The following PAX5 variants were observed in gnomAD, a reference collection of about 807,000 sequenced individuals.
PAX5 encodes paired box 5.
A neutral mutation model predicts 43.7 loss-of-function variants in PAX5; 9 were observed. The ratio of observed to expected loss-of-function variants is 0.21; its 90% CI spans 0.12 to 0.36. The LOEUF (loss-of-function observed/expected upper bound fraction) is 0.36, where lower values mean the gene tolerates loss of function less well. Among genes scored for constraint, PAX5 ranks in the 10% least tolerant of loss-of-function variants. PAX5 has a pLI of 1.00. For synonymous variants in PAX5, 228 were observed against 214.3 expected (o/e 1.06, Z -0.56); for missense variants, 383 against 532.7 (o/e 0.72, Z 2.77).
intron 5 of PAX5, among the ~76,000 whole-genome samples, chr9:36,999,779 C>T (rs1173135896): frequency 6.6e-6 from 1 of 152,202 alleles, no homozygotes; most frequent in Non-Finnish European, 1.5e-5. Flanking sequence ...TGAAATATCC[C>T]TGTTTCCCCA....
chr9:36,903,094 G>A (rs912233730), intron 7 of PAX5, among the ~76,000 whole-genome samples: 8 of 152,206 alleles, frequency 5.3e-5, no homozygotes, highest in Non-Finnish European at 4.4e-5. Context: ...AAGAAAGCAG[G>A]AACTCCATGG....
At position 37,020,766 on chromosome 9, in the gene PAX5, C is replaced by T; in HGVS notation, c.82G>A (p.Val28Met). 2 of 1,613,982 alleles carry T rather than the reference C, an allele frequency of 1.2e-6. No homozygotes were observed. Among genetic ancestry groups the T allele is most frequent in the Non-Finnish European group, 1.7e-6 (2 of 1,180,022 alleles). Reference sequence around the variant, plus strand: ...ACATCCGGGAGTGGCCGTCCATTCACAAAAACCCCCCCAAGCTGATTCACT... The same window carrying T: ...ACATCCGGGAGTGGCCGTCCATTCATAAAAACCCCCCCAAGCTGATTCACT... ...GGVNQLGGVF[V>M]NGRPLPDVVR... Residue 28 changes from valine (V) to methionine (M), a missense_variant, in exon 2 of 10, where the codon GTG (valine) becomes ATG (methionine). Val to Met is a conservative substitution (Grantham distance 21). Around this residue, in one of 5 missense-constraint regions of PAX5, gnomAD observed 54 missense variants for 68.6 expected, o/e 0.79. Transcript: ENST00000358127.
chr9:36,944,082 G>T (rs987061568), intron 6 of PAX5, among the ~76,000 whole-genome samples: 4 of 152,154 alleles, frequency 2.6e-5, no homozygotes, highest in African/African-American at 9.7e-5. Context: ...TGCTCAGAAG[G>T]CTGACGCAGG....
At chr9:36,910,944 A>G (rs761112644) in intron 7 of PAX5, among the ~76,000 whole-genome samples, 19 of 152,168 alleles carry the variant, frequency 1.2e-4, no homozygotes, top group Non-Finnish European at 2.4e-4. Context: ...TCATTCATTC[A>G]TTCGTTCATT....
chr9:36,980,329 C>A (rs1835804804), intron 5 of PAX5, among the ~76,000 whole-genome samples: 1 of 152,222 alleles, frequency 6.6e-6, no homozygotes, highest in Admixed American at 6.5e-5. Flanking sequence ...TAATGGACTT[C>A]CCTCTGCCTG....
At position 36,958,163 on chromosome 9, in the gene PAX5, C is replaced by T. The variant is rs1588081148; in HGVS notation, c.780+8386G>A. On this transcript the variant is annotated intron_variant, in intron 6 of 9. Transcript: ENST00000358127. ...AATGCACTGATTAGCATGTGGGCGT[C>T]ATACTCATCCATAAGACAAGCTCTA... 4.6e-5 allele frequency among the ~76,000 whole-genome samples: 7 copies of T among 152,292 alleles called. No individual in the cohort carries two copies. The South Asian group carries it at 1.5e-3, about 32-fold the overall frequency.
intron 1 of PAX5, among the ~76,000 whole-genome samples, chr9:37,022,154 G>A (rs1381930945): frequency 6.6e-6 from 1 of 152,096 alleles, no homozygotes; most frequent in Non-Finnish European, 1.5e-5. Flanking sequence ...AAACGTCCAG[G>A]CTCAGGCTTA....
intron 6 of PAX5, among the ~76,000 whole-genome samples, chr9:36,945,329 C>G (rs1483234753): frequency 6.6e-6 from 1 of 152,170 alleles, no homozygotes; most frequent in Non-Finnish European, 1.5e-5. Flanking sequence ...GCAGCCTCCA[C>G]TTACTGGACT....
intron 7 of PAX5, among the ~76,000 whole-genome samples, chr9:36,896,696 G>T (rs893778588): frequency 6.6e-6 from 1 of 152,176 alleles, no homozygotes; most frequent in Non-Finnish European, 1.5e-5. Context: ...GCCACTGCTG[G>T]TTCTGGGTCT....
chr9:36,944,304 T>A (rs1832321396), intron 6 of PAX5, among the ~76,000 whole-genome samples: 1 of 152,172 alleles, frequency 6.6e-6, no homozygotes, highest in Non-Finnish European at 1.5e-5. Context: ...CTAACAGCCC[T>A]ATAAGGCAAG....
intron 5 of PAX5, among the ~76,000 whole-genome samples, chr9:36,968,495 C>G (rs1834640019): frequency 6.6e-6 from 1 of 152,234 alleles, no homozygotes; most frequent in African/African-American, 2.4e-5. Flanking sequence ...CCAGCATCCT[C>G]TATAGGAAGG....
In PAX5 at chr9:37,020,384, A is replaced by G. The variant is rs150999392; in HGVS notation, c.212+252T>C. Among the ~76,000 whole-genome samples, 5 of 152,320 alleles carry G rather than the reference A, an allele frequency of 3.3e-5. No homozygotes were observed. In the East Asian group the frequency reaches 9.6e-4, roughly 29 times the overall value. ...AGAACGTCTTACTCTTGAGTTCTTT[A>G]GAACAATTCACCAGGCTTTCAGAAA... On this transcript the variant is annotated intron_variant, in intron 2 of 9. Transcript: ENST00000358127.
chr9:36,962,276 C>A (rs549375191), intron 6 of PAX5, among the ~76,000 whole-genome samples: 117 of 152,274 alleles, frequency 7.7e-4, no homozygotes, highest in African/African-American at 2.6e-3. Flanking sequence ...AACCAGCTAG[C>A]CAGAAAACTG....
chr9:36,979,195 T>C (rs758364933), intron 5 of PAX5, among the ~76,000 whole-genome samples: 12 of 152,220 alleles, frequency 7.9e-5, no homozygotes, highest in Non-Finnish European at 1.8e-4. Flanking sequence ...TCAGCCTCTG[T>C]CTGCCAACGT....
chr9:36,852,125 T>C (rs1308408752), intron 8 of PAX5, among the ~76,000 whole-genome samples: 1 of 152,216 alleles, frequency 6.6e-6, no homozygotes, highest in African/African-American at 2.4e-5. Context: ...TTGCAGATGC[T>C]CTTTGCAAAC....
At chr9:36,964,088 G>A (rs1349107691) in intron 6 of PAX5, among the ~76,000 whole-genome samples, 1 of 151,568 alleles carries the variant, frequency 6.6e-6, no homozygotes, top group Non-Finnish European at 1.5e-5. Flanking sequence ...AGACCATCCC[G>A]GCTAACACGG....
intron 5 of PAX5, among the ~76,000 whole-genome samples, chr9:36,968,377 G>C (rs10973144): frequency 0.57 from 85,952 of 151,902 alleles, 26,065 homozygotes; most frequent in East Asian, 0.78. Flanking sequence ...TTCCTCAACT[G>C]TACTTATCTG....
chr9:36,912,421 G>C (rs1415465361), intron 7 of PAX5, among the ~76,000 whole-genome samples: 1 of 152,224 alleles, frequency 6.6e-6, no homozygotes, highest in East Asian at 1.9e-4. Context: ...GCTAGAATAC[G>C]GTGAAGTGGG....
chr9:36,963,526 G>A (rs754344824), intron 6 of PAX5, among the ~76,000 whole-genome samples: 11 of 152,178 alleles, frequency 7.2e-5, no homozygotes, highest in South Asian at 6.2e-4. Flanking sequence ...CTGCCCCTGC[G>A]AGACTGGACA....
Sources: allele counts gnomAD v4.1 joint callset (sites outside exome capture counted in the v4.1 genomes callset), GRCh38; gene constraint gnomAD v4.1.1; regional missense constraint gnomAD v4.1.1; transcripts MANE v1.5; gene names NCBI Gene and HGNC (gene_info 2026-07-23, HGNC 2026-07-21).